Variants in LRRC7 observed in about 807,000 individuals in gnomAD.
The protein encoded by LRRC7 is leucine-rich repeat-containing protein 7.
In LRRC7, 23 loss-of-function variants were observed where a neutral mutation model predicts 175.7. The ratio of observed to expected loss-of-function variants is 0.13; its 90% CI spans 0.09 to 0.19. LRRC7 has a LOEUF of 0.19. LRRC7 is among the 10% of genes least tolerant of loss of function. The probability of loss-of-function intolerance (pLI) is 1.00; values close to 1 mark genes in which losing one functional copy is unlikely to be tolerated. For missense variants in LRRC7, 1,354 were observed against 1,904.7 expected, an observed-to-expected ratio of 0.71 and a Z score of 5.38; for synonymous variants, 685 against 680.9, an observed-to-expected ratio of 1.01 and a Z score of -0.09.
chr1:69,630,412 A>T (rs1489846054), intron 1 of LRRC7, among the ~76,000 whole-genome samples: 1 of 152,188 alleles, frequency 6.6e-6, no homozygotes, highest in Non-Finnish European at 1.5e-5. Flanking sequence ...AAGGCATGAT[A>T]CTTACTGCCA....
intron 16 of LRRC7, 108 bp downstream of exon 16, chr1:70,021,237 C>T: frequency 9.7e-7 from 1 of 1,034,702 alleles, no homozygotes; most frequent in East Asian, 2.7e-5. Flanking sequence ...CTTCAAGTCT[C>T]ATGGCGGTAC....
intron 1 of LRRC7, among the ~76,000 whole-genome samples, chr1:69,641,335 T>G (rs992758868): frequency 6.6e-6 from 1 of 151,838 alleles, no homozygotes; most frequent in South Asian, 2.1e-4. Flanking sequence ...ACTTTAAGTT[T>G]GTCTTCTATT....
intron 7 of LRRC7, among the ~76,000 whole-genome samples, chr1:69,841,019 T>A (rs1681667852): frequency 6.6e-6 from 1 of 152,062 alleles, no homozygotes; most frequent in African/African-American, 2.4e-5. Flanking sequence ...TATTCCTTAC[T>A]TCATTTGTTT....
intron 10 of LRRC7, among the ~76,000 whole-genome samples, chr1:69,987,268 T>G (rs1654023679): frequency 6.6e-6 from 1 of 152,128 alleles, no homozygotes; most frequent in African/African-American, 2.4e-5. Context: ...CAAAAAAAGT[T>G]TATATGAGTA....
intron 2 of LRRC7, among the ~76,000 whole-genome samples, chr1:69,715,486 C>G (rs1302400081): frequency 2.0e-5 from 3 of 152,058 alleles, no homozygotes; most frequent in African/African-American, 7.2e-5. Context: ...CCATCAGTCT[C>G]ATGCAAGTCA....
In LRRC7 at chr1:69,792,964, A is replaced by C. The variant is rs978486214; in HGVS notation, c.421+804A>C. On this transcript the variant is annotated intron_variant, in intron 4 of 26. Transcript: ENST00000651989. ...CCCTTTTATTAGCAAGGATCAGTCA[A>C]AAAGGGTTATGTCTAGGTACAATGA... Among the ~76,000 whole-genome samples the C allele has an allele frequency of 2.0e-5, 3 of 152,044 alleles. No individual in the cohort carries two copies. The East Asian group carries it at 5.8e-4, about 29-fold the overall frequency.
chr1:69,640,897 G>A (rs1340706664), intron 1 of LRRC7, among the ~76,000 whole-genome samples: 1 of 151,318 alleles, frequency 6.6e-6, no homozygotes, highest in East Asian at 1.9e-4. Context: ...GTCATTATTG[G>A]CAATATTTCA....
chr1:70,040,321 G>C (rs999728565), intron 21 of LRRC7, among the ~76,000 whole-genome samples: 2 of 152,114 alleles, frequency 1.3e-5, no homozygotes, highest in African/African-American at 4.8e-5. Context: ...AGAAAAATAA[G>C]CAGGGATTGA....
At chr1:70,111,499 T>C (rs1308753597) in intron 26 of LRRC7, among the ~76,000 whole-genome samples, 1 of 152,134 alleles carries the variant, frequency 6.6e-6, no homozygotes, top group Non-Finnish European at 1.5e-5. Flanking sequence ...AATATAAAAA[T>C]ATGCTAGAAT....
intron 1 of LRRC7, among the ~76,000 whole-genome samples, chr1:69,656,894 G>A (rs1255553455): frequency 3.3e-5 from 5 of 151,194 alleles, no homozygotes; most frequent in Non-Finnish European, 5.9e-5. Context: ...ACAATGTAAT[G>A]GGAAGTATCA....
intron 4 of LRRC7, among the ~76,000 whole-genome samples, chr1:69,817,757 G>A (rs574350303): frequency 3.9e-5 from 6 of 152,106 alleles, no homozygotes; most frequent in East Asian, 3.9e-4. Flanking sequence ...GTTTCACTCC[G>A]TGAATACATG....
intron 1 of LRRC7, among the ~76,000 whole-genome samples, chr1:69,648,290 G>C (rs893772078): frequency 1.3e-5 from 2 of 151,868 alleles, no homozygotes; most frequent in African/African-American, 4.8e-5. Flanking sequence ...AATAATACTC[G>C]AGGTGTTATG....
intron 7 of LRRC7, among the ~76,000 whole-genome samples, chr1:69,854,033 A>G (rs1683306086): frequency 6.6e-6 from 1 of 152,196 alleles, no homozygotes; most frequent in African/African-American, 2.4e-5. Flanking sequence ...AAATCAGCAT[A>G]GTTCCAACTG....
intron 11 of LRRC7, among the ~76,000 whole-genome samples, chr1:69,996,995 G>GGCCATTTTCATGATT (rs1553186601): frequency 6.6e-6 from 1 of 152,108 alleles, no homozygotes; most frequent in Non-Finnish European, 1.5e-5. Flanking sequence ...TGCGCAATAT[G>GGCCATTTTCATGATT]GCCATTTTCA....
intron 1 of LRRC7, among the ~76,000 whole-genome samples, chr1:69,676,772 CT>C (rs1163705081): frequency 6.6e-6 from 1 of 151,858 alleles, no homozygotes; most frequent in East Asian, 1.9e-4. Flanking sequence ...AAAACTGGTA[CT>C]TTTTAAAAAA....
chr1:70,062,097 G>T (rs1038637410), intron 23 of LRRC7, among the ~76,000 whole-genome samples: 10 of 152,070 alleles, frequency 6.6e-5, no homozygotes, highest in Non-Finnish European at 1.0e-4. Context: ...AGGCTTTTGA[G>T]ATTTCTGATG....
chr1:69,820,073 A>AT (rs201464852), intron 4 of LRRC7, among the ~76,000 whole-genome samples: 40 of 149,564 alleles, frequency 2.7e-4, no homozygotes, highest in Admixed American at 7.3e-4. Flanking sequence ...CATTTTGTTG[A>AT]TTTTTTTTCT....
intron 26 of LRRC7, among the ~76,000 whole-genome samples, chr1:70,114,073 A>T (rs1485491334): frequency 6.6e-6 from 1 of 152,194 alleles, no homozygotes; most frequent in Non-Finnish European, 1.5e-5. Flanking sequence ...TCCAAAAAAA[A>T]ACCTGAAGAG....
At chr1:70,094,966 A>G (rs1664286272) in intron 25 of LRRC7, among the ~76,000 whole-genome samples, 1 of 152,220 alleles carries the variant, frequency 6.6e-6, no homozygotes, top group Non-Finnish European at 1.5e-5. Flanking sequence ...AAAACTCCAT[A>G]TAGCATAAGA....
Sources: allele counts gnomAD v4.1 joint callset (sites outside exome capture counted in the v4.1 genomes callset), GRCh38; gene constraint gnomAD v4.1.1; transcripts MANE v1.5; gene names NCBI Gene and HGNC (gene_info 2026-07-23, HGNC 2026-07-21).